Variants in DNAI4 observed in about 807,000 individuals in gnomAD.
The protein encoded by DNAI4 is WD repeat domain 78.
Under a neutral mutation model 105.8 loss-of-function variants are expected in DNAI4, and 85 were observed. The observed-to-expected ratio is 0.80, with a 90% confidence interval of 0.67 to 0.96. The LOEUF (loss-of-function observed/expected upper bound fraction) is 0.96, where lower values mean the gene tolerates loss of function less well. Ranked by LOEUF, DNAI4 falls within the 40% of genes least tolerant of loss-of-function variation. The pLI, the probability that DNAI4 is intolerant of heterozygous loss-of-function variation, is 0.00. For missense variants in DNAI4, 1,014 were observed against 1,005.6 expected (o/e 1.01, Z -0.11); for synonymous variants, 352 against 331.5 (o/e 1.06, Z -0.67).
At chr1:66,840,743 A>T in intron 8 of DNAI4, 72 bp from the exon 9 acceptor site, 1 of 1,474,010 alleles carries the variant, frequency 6.8e-7, no homozygotes, top group South Asian at 1.1e-5. Context: ...TCCAAACAGC[A>T]TATCTACCCA....
chr1:66,871,129 G>T, intron 6 of DNAI4: 1 of 429,300 alleles, frequency 2.3e-6, no homozygotes, highest in Non-Finnish European at 4.1e-6. Context: ...AGAGTATAAA[G>T]TTCTATGATA....
chr1:66,855,776 A>G (rs1313942322), intron 7 of DNAI4, among the ~76,000 whole-genome samples: 4 of 152,196 alleles, frequency 2.6e-5, no homozygotes, highest in African/African-American at 9.6e-5. Context: ...ACACTCCTCT[A>G]TATCAGTAAT....
At chr1:66,865,185 G>T (rs1646707451) in intron 6 of DNAI4, among the ~76,000 whole-genome samples, 1 of 152,198 alleles carries the variant, frequency 6.6e-6, no homozygotes, top group Admixed American at 6.5e-5. Context: ...CACTTTGGGA[G>T]AATGAGGCAG....
At chr1:66,852,180 AATTAT>A (rs1479213302) in intron 7 of DNAI4, among the ~76,000 whole-genome samples, 8 of 151,764 alleles carry the variant, frequency 5.3e-5, no homozygotes, top group Non-Finnish European at 1.0e-4. Context: ...AACTATTAAA[AATTAT>A]ATTATGCTAT....
Position 66,838,802 on chromosome 1 carries a change from T to C in DNAI4, c.1495-1006A>G, listed in dbSNP as rs184083417. Among the ~76,000 whole-genome samples the C allele has an allele frequency of 1.1e-4, 17 of 152,322 alleles. No individual in the cohort carries two copies. The East Asian group carries it at 3.1e-3, about 28-fold the overall frequency. The stretch of plus-strand genomic sequence containing the variant: ...TAGACGCTGCAGAGGCATTACTTTC[T>C]CTAAGAAACATTCAAGAGCTTCTTG... On this transcript the variant is annotated intron_variant, in intron 9 of 16. Coordinates refer to ENST00000371026, the MANE Select transcript of DNAI4 (RefSeq NM_024763.5).
At chr1:66,854,251 T>C (rs972533482) in intron 7 of DNAI4, among the ~76,000 whole-genome samples, 1 of 152,014 alleles carries the variant, frequency 6.6e-6, no homozygotes, top group Admixed American at 6.6e-5. Context: ...ATTAGCTGAG[T>C]CTGGTGGTAA....
At chr1:66,826,304 G>GTTTTTTTTT (rs1645752317) in intron 15 of DNAI4, among the ~76,000 whole-genome samples, 5 of 150,756 alleles carry the variant, frequency 3.3e-5, no homozygotes, top group African/African-American at 1.2e-4. Context: ...ACTTTCTTTA[G>GTTTTTTTTT]TCTTTTTTTT....
intron 7 of DNAI4, among the ~76,000 whole-genome samples, chr1:66,857,564 C>A (rs1345745081): frequency 1.4e-5 from 2 of 144,848 alleles, no homozygotes; most frequent in Admixed American, 6.9e-5. Context: ...GATAGAGTTT[C>A]ACTCTTTTTG....
chr1:66,877,285 A>G (rs2100691122), intron 4 of DNAI4, among the ~76,000 whole-genome samples: 1 of 152,322 alleles, frequency 6.6e-6, no homozygotes, highest in South Asian at 2.1e-4. Flanking sequence ...GAGAGCATCC[A>G]GAGACAACCT....
At chr1:66,818,590 T>C (rs528141144) in intron 16 of DNAI4, among the ~76,000 whole-genome samples, 5 of 152,170 alleles carry the variant, frequency 3.3e-5, no homozygotes, top group Admixed American at 6.5e-5. Context: ...TAATCTTTTG[T>C]ACATATAAAG....
At chr1:66,848,248 C>T (rs1300262176) in intron 7 of DNAI4, 1 of 456,112 alleles carries the variant, frequency 2.2e-6, no homozygotes, top group African/African-American at 2.0e-5. Flanking sequence ...TCTTCAAAGA[C>T]AGCAACATTG....
chr1:66,863,968 A>T (rs879545525), intron 6 of DNAI4, among the ~76,000 whole-genome samples: 3 of 152,180 alleles, frequency 2.0e-5, no homozygotes, highest in African/African-American at 4.8e-5. Context: ...TTTAACTGAA[A>T]GTTTAGTAAG....
chr1:66,838,597 T>C (rs1646080022), intron 9 of DNAI4, among the ~76,000 whole-genome samples: 1 of 152,230 alleles, frequency 6.6e-6, no homozygotes, highest in African/African-American at 2.4e-5. Flanking sequence ...GCTTAATAAC[T>C]GAACAAATCC....
At chr1:66,889,636 T>C (rs1447772495) in intron 4 of DNAI4, among the ~76,000 whole-genome samples, 3 of 152,200 alleles carry the variant, frequency 2.0e-5, no homozygotes, top group Non-Finnish European at 4.4e-5. Flanking sequence ...TCCAACCTTA[T>C]ATCTTCACCA....
intron 1 of DNAI4, among the ~76,000 whole-genome samples, chr1:66,919,271 C>T (rs1650290155): frequency 6.6e-6 from 1 of 152,184 alleles, no homozygotes; most frequent in African/African-American, 2.4e-5. Flanking sequence ...TTCACATACT[C>T]ATGTGAATAA....
rs189369767 is a variant in DNAI4 at position 66,895,735 on chromosome 1, A to G, written c.346-2322T>C. Among the ~76,000 whole-genome samples, 3 of 152,310 alleles carry G rather than the reference A, an allele frequency of 2.0e-5. No homozygotes were observed. In the East Asian group the frequency reaches 5.8e-4, roughly 29 times the overall value. ...AAAGTTCCTTGTGATTCTCAGTTTCATAAGAATTTTTAAAATCATGAATAT... is the reference window on the plus strand; with the variant it reads ...AAAGTTCCTTGTGATTCTCAGTTTCGTAAGAATTTTTAAAATCATGAATAT... On this transcript the variant is annotated intron_variant, in intron 2 of 16. Coordinates refer to ENST00000371026, the MANE Select transcript of DNAI4 (RefSeq NM_024763.5).
intron 4 of DNAI4, among the ~76,000 whole-genome samples, chr1:66,881,142 G>A (rs530885163): frequency 1.3e-5 from 2 of 152,252 alleles, no homozygotes; most frequent in East Asian, 3.9e-4. Context: ...CCAGCCAGAA[G>A]TTTGCTGCAG....
intron 1 of DNAI4, among the ~76,000 whole-genome samples, chr1:66,912,318 A>G (rs923668956): frequency 6.6e-6 from 1 of 152,044 alleles, no homozygotes; most frequent in Non-Finnish European, 1.5e-5. Flanking sequence ...AAAAAAAAAA[A>G]ATTAGCTGAG....
At chr1:66,910,309 A>C (rs1278496099) in intron 1 of DNAI4, among the ~76,000 whole-genome samples, 2 of 152,180 alleles carry the variant, frequency 1.3e-5, no homozygotes, top group Non-Finnish European at 2.9e-5. Flanking sequence ...TTCAGAATAA[A>C]AGCCTAAGTC....
Sources: gnomAD v4.1 joint callset for allele counts (sites outside exome capture counted in the v4.1 genomes callset) on GRCh38, gnomAD v4.1.1 for gene constraint, MANE v1.5 for transcripts, NCBI Gene and HGNC (gene_info 2026-07-23, HGNC 2026-07-21) for gene names.